WNT7B: variants seen among roughly 807,000 people sequenced by gnomAD.
WNT7B encodes protein Wnt-7b.
A neutral mutation model predicts 38.2 loss-of-function variants in WNT7B; 19 were observed. The ratio of observed to expected loss-of-function variants is 0.50; its 90% confidence interval spans 0.35 to 0.73. The LOEUF (loss-of-function observed/expected upper bound fraction) is 0.73. Among genes scored for constraint, WNT7B ranks in the 30% least tolerant of loss-of-function variants. WNT7B has a pLI of 0.01. For missense variants in WNT7B, 423 were observed against 507.9 expected, an observed-to-expected ratio of 0.83 and a Z score of 1.61; for synonymous variants, 243 against 209.3, an observed-to-expected ratio of 1.16 and a Z score of -1.39.
chr22:45,949,249 T>C (rs1906129667), intron 2 of WNT7B, among the ~76,000 whole-genome samples: 2 of 152,298 alleles, frequency 1.3e-5, no homozygotes, highest in South Asian at 4.1e-4. Context: ...TCAGGGGCTG[T>C]GCACAGGCAG....
At chr22:45,970,970 G>A (rs910171000) in intron 1 of WNT7B, among the ~76,000 whole-genome samples, 3 of 152,372 alleles carry the variant, frequency 2.0e-5, no homozygotes, top group East Asian at 1.9e-4. Flanking sequence ...CCCACAGCCC[G>A]GGAAACCGCG....
intron 2 of WNT7B, among the ~76,000 whole-genome samples, chr22:45,937,369 C>T: frequency 6.6e-6 from 1 of 152,226 alleles, no homozygotes; most frequent in East Asian, 1.9e-4. Context: ...GCTGAGTGAC[C>T]TCAGACTGGT....
chr22:45,920,474 C>G lies in WNT7B; in HGVS notation c.*2382G>C, dbSNP rs1347053991. 6.6e-6 allele frequency: 1 copy of G among 152,178 alleles called. No homozygotes were observed. The highest frequency in any genetic ancestry group is 6.5e-5 in the Admixed American group (1 of 15,284). The allele number at this position is 152,178 out of a possible 1,614,324, so 9.4% of individuals were successfully genotyped here. Reference sequence around the variant, plus strand: ...TCGCCATCACCCCCATCTGGGCCACCCTGACCCCCGTCTCACCCAGGCAAA... The same window carrying G: ...TCGCCATCACCCCCATCTGGGCCACGCTGACCCCCGTCTCACCCAGGCAAA... On this transcript the variant is annotated 3_prime_UTR_variant, in exon 4 of 4. Coordinates refer to ENST00000339464, the MANE Select transcript of WNT7B (RefSeq NM_058238.3).
At chr22:45,926,876 A>C in intron 3 of WNT7B, 1 of 985,414 alleles carries the variant, frequency 1.0e-6, no homozygotes, top group South Asian at 4.7e-5. Flanking sequence ...CGGCGCTCCC[A>C]TTAGGACGGT....
chr22:45,935,928 G>A (rs1386037192), intron 2 of WNT7B: 2 of 985,352 alleles, frequency 2.0e-6, no homozygotes, highest in Non-Finnish European at 2.4e-6. Flanking sequence ...CAGCTGTCCT[G>A]CTGGTACACT....
intron 1 of WNT7B, chr22:45,954,807 C>T (rs1343059985): frequency 4.1e-6 from 4 of 979,794 alleles, no homozygotes; most frequent in East Asian, 1.1e-4. Context: ...TGAGGGTTAA[C>T]TCTGGGCCGT....
At chr22:45,938,024 T>G (rs1050235344) in intron 2 of WNT7B, among the ~76,000 whole-genome samples, 2 of 151,920 alleles carry the variant, frequency 1.3e-5, no homozygotes, top group Non-Finnish European at 2.9e-5. Flanking sequence ...AAAAATGACA[T>G]TTTCTACAAC....
At position 45,948,595 on chromosome 22, in the gene WNT7B, C is replaced by T. The variant is rs948185157; in HGVS notation, c.298+1325G>A. Among the ~76,000 whole-genome samples the T allele has an allele frequency of 2.6e-5, 4 of 152,326 alleles. No individual in the cohort carries two copies. In the East Asian group the frequency reaches 7.7e-4, roughly 29 times the overall value. ...GCCTGGCACTCTGCCAGTTATCCCC[C>T]CCCTCCTCTGCCTCTTGCCACAGCC... On this transcript the variant is annotated intron_variant, in intron 2 of 3. Transcript: ENST00000339464.
At position 45,976,870 on chromosome 22, in the gene WNT7B, G is replaced by A. The variant is rs887188179; in HGVS notation, c.-116C>T. On this transcript the variant is annotated 5_prime_UTR_variant, in exon 1 of 4. Transcript: ENST00000339464. The surrounding 1 kb of genome is among the most constrained non-coding windows in gnomAD (Gnocchi z 8.5). ...GCAGACTGCGCTCAGCCCGCGCTGC[G>A]GCTCGGGCGGCCGGCGACGCGCGGG... 9.7e-7 allele frequency: 1 copy of A among 1,033,340 alleles called. No individual in the cohort carries two copies. The highest frequency in any genetic ancestry group is 1.7e-5 in the African/African-American group (1 of 57,584). The allele number at this position is 1,033,340 out of a possible 1,614,324, so 64.0% of individuals were successfully genotyped here.
chr22:45,930,954 G>C (rs532252481), intron 3 of WNT7B, 144 bp downstream of exon 3: 111 of 1,161,384 alleles, frequency 9.6e-5, no homozygotes, highest in Admixed American at 2.1e-4. Flanking sequence ...AGCCATGCAC[G>C]TGGAGGACCC....
chr22:45,926,532 C>T (rs1601714072), intron 3 of WNT7B: 1 of 985,404 alleles, frequency 1.0e-6, no homozygotes, highest in Non-Finnish European at 1.2e-6. Context: ...GACTAAAGTC[C>T]TTCCAGGGCG....
chr22:45,929,012 GCTCACTCTGAGC>G (rs1221421441), intron 3 of WNT7B, among the ~76,000 whole-genome samples: 2 of 151,996 alleles, frequency 1.3e-5, no homozygotes, highest in African/African-American at 4.8e-5. Flanking sequence ...CAGGTCTGCT[GCTCACTCTGAGC>G]CTCACTCTCC....
chr22:45,969,999 C>G (rs778336983), intron 1 of WNT7B, among the ~76,000 whole-genome samples: 1 of 152,208 alleles, frequency 6.6e-6, no homozygotes, highest in African/African-American at 2.4e-5. Flanking sequence ...TCAGAGACAT[C>G]GAAACCAAGG....
chr22:45,935,784 C>A, intron 2 of WNT7B: 1 of 981,458 alleles, frequency 1.0e-6, no homozygotes, highest in Non-Finnish European at 1.2e-6. Context: ...GAAAACCGAG[C>A]CTTCAAAGCA....
At chr22:45,938,501 G>A (rs759604003) in intron 2 of WNT7B, among the ~76,000 whole-genome samples, 1 of 152,134 alleles carries the variant, frequency 6.6e-6, no homozygotes, top group Admixed American at 6.5e-5. Context: ...GCCAGGCGTG[G>A]TGGTGTGCGC....
intron 3 of WNT7B, chr22:45,926,104 C>A: frequency 1.0e-6 from 1 of 985,440 alleles, no homozygotes; most frequent in Non-Finnish European, 1.2e-6. Flanking sequence ...GCCTACTGGG[C>A]CGCTGCTTGC....
At chr22:45,950,919 C>A (rs761390548) in intron 1 of WNT7B, among the ~76,000 whole-genome samples, 1 of 152,200 alleles carries the variant, frequency 6.6e-6, no homozygotes, top group Non-Finnish European at 1.5e-5. Flanking sequence ...TTGGCAGGGG[C>A]CTTATTGCAA....
rs920166388 is a variant in WNT7B, at chr22:45,977,059, G to A, written c.-305C>T. 9.2e-6 allele frequency: 9 copies of A among 977,488 alleles called. No homozygotes were observed. Among genetic ancestry groups the A allele is most frequent in the Non-Finnish European group, 9.7e-6 (8 of 823,316 alleles). 60.6% of individuals were successfully genotyped at this position (977,488 alleles called of 1,614,324 possible). A position where few individuals can be genotyped will look rare whatever the true frequency, so the allele number is the denominator to read the frequency against. On this transcript the variant is annotated 5_prime_UTR_variant, in exon 1 of 4. Transcript: ENST00000339464. ...CCGGGGGCCCGGGCGCGGCTGGCGG[G>A]CGGGTGCAGCCTGCACTAGGCGCAG...
chr22:45,957,319 C>G (rs1413671108), intron 1 of WNT7B, among the ~76,000 whole-genome samples: 1 of 152,006 alleles, frequency 6.6e-6, no homozygotes, highest in Non-Finnish European at 1.5e-5. Flanking sequence ...AGCATTATAG[C>G]ATGTGACTTT....
Sources: gnomAD v4.1 joint callset for allele counts (sites outside exome capture counted in the v4.1 genomes callset) on GRCh38, gnomAD v4.1.1 for gene constraint, Gnocchi (gnomAD v3.1) non-coding constraint, MANE v1.5 for transcripts, NCBI Gene and HGNC (gene_info 2026-07-23, HGNC 2026-07-21) for gene names.